TNS4: variants seen among roughly 807,000 people sequenced by gnomAD.
The protein encoded by TNS4 is tensin 4.
In TNS4, 46 loss-of-function variants were observed where a neutral mutation model predicts 70.4. That is an observed-to-expected ratio of 0.65 (90% CI 0.52 to 0.84). The LOEUF (loss-of-function observed/expected upper bound fraction) is 0.84. Ranked by LOEUF, TNS4 falls within the 40% of genes least tolerant of loss-of-function variation. The probability of loss-of-function intolerance (pLI) is 0.00; values close to 1 mark genes in which losing one functional copy is unlikely to be tolerated. For synonymous variants in TNS4, 390 were observed against 366.6 expected, an observed-to-expected ratio of 1.06 and a Z score of -0.73; for missense variants, 863 against 907.0, an observed-to-expected ratio of 0.95 and a Z score of 0.62.
intron 6 of TNS4, among the ~76,000 whole-genome samples, chr17:40,483,097 G>C (rs1419897850): frequency 5.9e-5 from 9 of 152,074 alleles, no homozygotes; most frequent in Non-Finnish European, 1.0e-4. Flanking sequence ...CTACAGGCGT[G>C]CCCCACCATG....
chr17:40,478,226 T>C, intron 12 of TNS4, 81 bp downstream of exon 12: 1 of 1,581,540 alleles, frequency 6.3e-7, no homozygotes, highest in Admixed American at 1.7e-5. Context: ...CTTTGGACTA[T>C]TAAAGTCAGA....
chr17:40,495,852 G>T, intron 2 of TNS4, 135 bp downstream of exon 2: 1 of 831,856 alleles, frequency 1.2e-6, no homozygotes, highest in Non-Finnish European at 1.8e-6. Context: ...AAAACAGAGG[G>T]GTTAGTAACT....
chr17:40,496,238 G>T lies in TNS4; in HGVS notation c.188C>A (p.Pro63His). The T allele has an allele frequency of 6.3e-7, 1 of 1,594,310 alleles. No homozygotes were observed. The highest frequency in any genetic ancestry group is 8.5e-7 in the Non-Finnish European group (1 of 1,170,902). ...LMAPVPCMGP[P>H]GRLQQAPQVE... Reference sequence around the variant, plus strand: ...CTGTGGGGCTTGCTGGAGTCGGCCAGGGGGCCCCATGCAGGGCACGGGGGC... The same window carrying T: ...CTGTGGGGCTTGCTGGAGTCGGCCATGGGGCCCCATGCAGGGCACGGGGGC... Residue 63 changes from proline to histidine, a missense_variant, in exon 2 of 13, where the codon CCT (proline) becomes CAT (histidine). Physicochemically the swap from Pro to His is moderately conservative, Grantham distance 77. Transcript: ENST00000254051.
At chr17:40,498,222 G>A (rs1218202055) in intron 1 of TNS4, among the ~76,000 whole-genome samples, 2 of 152,180 alleles carry the variant, frequency 1.3e-5, no homozygotes, top group African/African-American at 4.8e-5. Context: ...AGAAGAGAAA[G>A]TGGACTCTGG....
rs751831751 is a variant in TNS4, at chr17:40,496,397, A to G, written c.29T>C (p.Leu10Pro). Residue 10 changes from leucine (L) to proline (P), a missense_variant, in exon 2 of 13, where the codon CTG (leucine) becomes CCG (proline). Coordinates refer to ENST00000254051, the MANE Select transcript of TNS4 (RefSeq NM_032865.6). ...CAAGCTGACAGCATGGCCTCCTGCC[A>G]GCAGTGGGCTGGACATCACCTGGGA... MSQVMSSPL[L>P]AGGHAVSLAP... 2.5e-6 allele frequency: 4 copies of G among 1,612,924 alleles called. No homozygotes were observed. The South Asian group carries it at 4.4e-5, about 18-fold the overall frequency.
At chr17:40,496,564 A>G (rs2143830557) in intron 1 of TNS4, 44 bp from the exon 2 acceptor site, 1 of 865,526 alleles carries the variant, frequency 1.2e-6, no homozygotes, top group East Asian at 2.9e-5. Context: ...TCTGTAGGTG[A>G]AGCCCCTGCC....
At chr17:40,482,229 G>A (rs376560646) in intron 7 of TNS4, 23 bp from the exon 8 acceptor site, 91 of 1,613,966 alleles carry the variant, frequency 5.6e-5, no homozygotes, top group Non-Finnish European at 7.3e-5. Context: ...AAGCAGCCCT[G>A]CATGAGTAGA....
chr17:40,479,646 G>C, intron 10 of TNS4, 28 bp downstream of exon 10: 1 of 1,603,470 alleles, frequency 6.2e-7, no homozygotes, highest in Non-Finnish European at 8.5e-7. Context: ...GCCAGCCCCG[G>C]AGCCCCAGGG....
At chr17:40,480,651 C>T in intron 9 of TNS4, 49 bp downstream of exon 9, 2 of 1,465,154 alleles carry the variant, frequency 1.4e-6, no homozygotes, top group Non-Finnish European at 1.8e-6. Flanking sequence ...TGGGAGGTGC[C>T]CTCTTGGGGC....
chr17:40,480,273 G>C (rs542389991), intron 9 of TNS4, among the ~76,000 whole-genome samples: 1 of 152,332 alleles, frequency 6.6e-6, no homozygotes, highest in East Asian at 1.9e-4. Context: ...ACTGAGACAA[G>C]TGCTGATGTG....
At chr17:40,500,910 G>A (rs1279695047) in intron 1 of TNS4, among the ~76,000 whole-genome samples, 3 of 152,126 alleles carry the variant, frequency 2.0e-5, no homozygotes, top group Middle Eastern at 3.4e-3. Context: ...AGTGCCCAGA[G>A]GGCTCCCAGA....
At position 40,487,355 on chromosome 17, in the gene TNS4, C is replaced by T. The variant is rs34733633; in HGVS notation, c.969G>A (p.Val323=). The T allele has an allele frequency of 2.9e-3, 4,683 of 1,614,096 alleles. 100 individuals carry two copies. The African/African-American group carries it at 0.051, about 18-fold the overall frequency. Reference sequence around the variant, plus strand: ...AGTCACTGGGTCTTGTACACAGGGACACTGAGCCAAGGCTGTGGAGGCTGG... The same window carrying T: ...AGTCACTGGGTCTTGTACACAGGGATACTGAGCCAAGGCTGTGGAGGCTGG... The part of the protein sequence containing the change: ...SSSSLHSLGS[V]SLCTRPSDFQ... Residue 323 remains valine, a synonymous_variant, in exon 4 of 13, where the codon GTG becomes GTA. Transcript: ENST00000254051.
intron 10 of TNS4, 132 bp from the exon 11 acceptor site, chr17:40,478,780 C>T (rs2035883579): frequency 1.0e-6 from 1 of 960,244 alleles, no homozygotes; most frequent in Non-Finnish European, 1.6e-6. Flanking sequence ...ACCTTGAAGA[C>T]CGCTATGGCC....
At chr17:40,480,854 C>T in intron 8 of TNS4, 86 bp from the exon 9 acceptor site, 1 of 1,443,978 alleles carries the variant, frequency 6.9e-7, no homozygotes, top group African/African-American at 1.4e-5. Flanking sequence ...CTCATGAATC[C>T]CTTTGAAGAT....
chr17:40,497,740 G>C (rs553706043), intron 1 of TNS4, among the ~76,000 whole-genome samples: 5 of 152,148 alleles, frequency 3.3e-5, no homozygotes, highest in Admixed American at 1.3e-4. Flanking sequence ...GAGATGGGGC[G>C]GGGGAGGCAG....
chr17:40,481,421 G>A (rs2035920152), intron 8 of TNS4, among the ~76,000 whole-genome samples: 1 of 152,092 alleles, frequency 6.6e-6, no homozygotes, highest in South Asian at 2.1e-4. Context: ...CTAGAGTGCA[G>A]TGGTGCGATC....
intron 2 of TNS4, among the ~76,000 whole-genome samples, chr17:40,493,662 T>C (rs2036104419): frequency 6.6e-6 from 1 of 152,238 alleles, no homozygotes; most frequent in South Asian, 2.1e-4. Context: ...CTCTGGCCAC[T>C]GCCTGCCTTA....
intron 2 of TNS4, 34 bp downstream of exon 2, chr17:40,495,953 G>GC: frequency 6.4e-7 from 1 of 1,568,026 alleles, no homozygotes. Context: ...CTGGCACCAA[G>GC]CCCCCCTCCT....
intron 5 of TNS4, 123 bp downstream of exon 5, chr17:40,484,798 C>G (rs2035970453): frequency 7.3e-7 from 1 of 1,362,680 alleles, no homozygotes; most frequent in Non-Finnish European, 1.0e-6. Context: ...GTCAGCAGGA[C>G]ATCCCCCTCC....
Sources: gnomAD v4.1 joint callset for allele counts (sites outside exome capture counted in the v4.1 genomes callset) on GRCh38, gnomAD v4.1.1 for gene constraint, MANE v1.5 for transcripts, NCBI Gene and HGNC (gene_info 2026-07-23, HGNC 2026-07-21) for gene names.